ROR2: variants seen among roughly 807,000 people sequenced by gnomAD.
The protein encoded by ROR2 is tyrosine-protein kinase transmembrane receptor ROR2.
A neutral mutation model predicts 74.9 loss-of-function variants in ROR2; 33 were observed. The ratio of observed to expected loss-of-function variants is 0.44; its 90% CI spans 0.33 to 0.59. The LOEUF (loss-of-function observed/expected upper bound fraction) is 0.59. ROR2 is among the 20% of genes least tolerant of loss of function. The pLI is 0.02. For synonymous variants in ROR2, 586 were observed against 558.7 expected (o/e 1.05, Z -0.69); for missense variants, 1,216 against 1,313.8 (o/e 0.93, Z 1.15).
At chr9:91,861,364 G>T (rs1257145522) in intron 1 of ROR2, among the ~76,000 whole-genome samples, 4 of 152,178 alleles carry the variant, frequency 2.6e-5, no homozygotes, top group Non-Finnish European at 5.9e-5. Context: ...AGGACTCATA[G>T]ACTTCTCAGT....
chr9:91,914,305 C>T (rs184387672), intron 1 of ROR2, among the ~76,000 whole-genome samples: 27 of 152,266 alleles, frequency 1.8e-4, no homozygotes, highest in African/African-American at 6.0e-4. Flanking sequence ...TCCAGGAGGC[C>T]TCAATTTAGT....
intron 1 of ROR2, among the ~76,000 whole-genome samples, chr9:91,843,590 C>G (rs1480283170): frequency 6.6e-6 from 1 of 152,218 alleles, no homozygotes; most frequent in Non-Finnish European, 1.5e-5. Context: ...GCTGTGACCC[C>G]CAATCCCACT....
rs370542637 is a variant in ROR2 at position 91,736,131 on chromosome 9, G to C, written c.622+1260C>G. Reference sequence around the variant, plus strand: ...TTTAATGGCAAAGAAAGCTTTTGCAGTGAGAGGTAGCCATATTTTCAAAAC... The same window carrying C: ...TTTAATGGCAAAGAAAGCTTTTGCACTGAGAGGTAGCCATATTTTCAAAAC... On this transcript the variant is annotated intron_variant, in intron 5 of 8. Coordinates refer to ENST00000375708, the MANE Select transcript of ROR2 (RefSeq NM_004560.4). Among the ~76,000 whole-genome samples the C allele has an allele frequency of 5.9e-5, 9 of 152,296 alleles. No individual in the cohort carries two copies. The East Asian group carries it at 1.5e-3, about 26-fold the overall frequency.
At chr9:91,754,446 C>T (rs1165984895) in intron 4 of ROR2, among the ~76,000 whole-genome samples, 2 of 152,040 alleles carry the variant, frequency 1.3e-5, no homozygotes, top group Non-Finnish European at 2.9e-5. Flanking sequence ...CACTTGAGGT[C>T]AGGAGTTCGA....
At chr9:91,758,000 C>A (rs889538832) in intron 2 of ROR2, among the ~76,000 whole-genome samples, 1 of 152,134 alleles carries the variant, frequency 6.6e-6, no homozygotes, top group Admixed American at 6.5e-5. Context: ...TTAGGAACAC[C>A]AGACCACTTC....
rs1002562426 is a variant in ROR2, at chr9:91,845,399, G to A, written c.98-69581C>T. Among the ~76,000 whole-genome samples the A allele has an allele frequency of 3.4e-4, 52 of 151,652 alleles. 1 individual carries two copies. The highest frequency in any genetic ancestry group is 1.3e-3 in the African/African-American group (52 of 41,236). On this transcript the variant is annotated intron_variant, in intron 1 of 8. Transcript: ENST00000375708. The stretch of plus-strand genomic sequence containing the variant: ...TCCCAGGCAAGAGGATGTTCAGAGA[G>A]ACATCCATACCAGCGCACCATCCCA...
intron 4 of ROR2, among the ~76,000 whole-genome samples, chr9:91,754,735 G>A (rs1463186043): frequency 2.0e-5 from 3 of 152,162 alleles, no homozygotes; most frequent in Non-Finnish European, 4.4e-5. Flanking sequence ...TGACTTATAT[G>A]CCTTTTTCCA....
chr9:91,946,850 T>C lies in ROR2; in HGVS notation c.97+3017A>G, dbSNP rs146453178. Among the ~76,000 whole-genome samples the C allele has an allele frequency of 3.5e-4, 53 of 152,118 alleles. No individual in the cohort carries two copies. The East Asian group carries it at 9.7e-3, about 28-fold the overall frequency. The stretch of plus-strand genomic sequence containing the variant: ...GAAACCTTTCTAAAGGGGATTAATC[T>C]TCCCTACCTGTCAGATGAGCTGTTC... On this transcript the variant is annotated intron_variant, in intron 1 of 8. Coordinates refer to ENST00000375708, the MANE Select transcript of ROR2 (RefSeq NM_004560.4).
chr9:91,754,344 A>G (rs1427838867), intron 4 of ROR2, among the ~76,000 whole-genome samples: 1 of 151,596 alleles, frequency 6.6e-6, no homozygotes, highest in Non-Finnish European at 1.5e-5. Flanking sequence ...AATGAACTAT[A>G]AAAGTTTTAT....
chr9:91,841,589 A>G (rs1232860763), intron 1 of ROR2, among the ~76,000 whole-genome samples: 2 of 152,244 alleles, frequency 1.3e-5, no homozygotes, highest in African/African-American at 4.8e-5. Context: ...GAGGTCTGTG[A>G]AAAAGTCTGT....
At chr9:91,855,825 C>G (rs1829265056) in intron 1 of ROR2, among the ~76,000 whole-genome samples, 1 of 152,050 alleles carries the variant, frequency 6.6e-6, no homozygotes, top group South Asian at 2.1e-4. Flanking sequence ...GCCTTGGGGT[C>G]AGCACCCCCA....
intron 1 of ROR2, among the ~76,000 whole-genome samples, chr9:91,790,661 A>T (rs1826941085): frequency 6.6e-6 from 1 of 152,306 alleles, no homozygotes; most frequent in South Asian, 2.1e-4. Flanking sequence ...TTCAACTGTT[A>T]AACAGCCCCA....
intron 1 of ROR2, among the ~76,000 whole-genome samples, chr9:91,848,906 T>G (rs1223786657): frequency 3.3e-5 from 5 of 152,168 alleles, no homozygotes; most frequent in Non-Finnish European, 7.4e-5. Context: ...TTCTAGTGTT[T>G]GGAGATTTTT....
At chr9:91,782,845 A>G (rs758310349) in intron 1 of ROR2, among the ~76,000 whole-genome samples, 1 of 152,218 alleles carries the variant, frequency 6.6e-6, no homozygotes, top group Non-Finnish European at 1.5e-5. Context: ...GGAATCAAAC[A>G]GGGGTAAATG....
intron 2 of ROR2, among the ~76,000 whole-genome samples, chr9:91,762,309 C>G (rs1249710834): frequency 1.3e-5 from 2 of 152,206 alleles, no homozygotes; most frequent in Non-Finnish European, 2.9e-5. Flanking sequence ...GATCTTGCCA[C>G]TTTACTCAGC....
chr9:91,910,435 T>C (rs1254451382), intron 1 of ROR2, among the ~76,000 whole-genome samples: 1 of 152,118 alleles, frequency 6.6e-6, no homozygotes, highest in Non-Finnish European at 1.5e-5. Context: ...CTTTGAGATA[T>C]GACATCAAAA....
chr9:91,799,875 C>T (rs1302274562), intron 1 of ROR2, among the ~76,000 whole-genome samples: 1 of 152,232 alleles, frequency 6.6e-6, no homozygotes, highest in African/African-American at 2.4e-5. Context: ...AACCCCCACA[C>T]AGTGGCACCC....
At chr9:91,730,779 TGTG>T (rs1837210712) in intron 7 of ROR2, 128 bp downstream of exon 7, 1 of 1,221,944 alleles carries the variant, frequency 8.2e-7, no homozygotes, top group African/African-American at 1.5e-5. Context: ...AAATGGTCAC[TGTG>T]GTAAGATCAG....
At chr9:91,833,237 C>T (rs1258510295) in intron 1 of ROR2, among the ~76,000 whole-genome samples, 8 of 152,178 alleles carry the variant, frequency 5.3e-5, no homozygotes, top group Non-Finnish European at 1.0e-4. Flanking sequence ...TGCTCAGCTG[C>T]TTGTCCATCC....
Sources: allele counts gnomAD v4.1 joint callset (sites outside exome capture counted in the v4.1 genomes callset), GRCh38; gene constraint gnomAD v4.1.1; transcripts MANE v1.5; gene names NCBI Gene and HGNC (gene_info 2026-07-23, HGNC 2026-07-21).